PXK: variants seen among roughly 807,000 people sequenced by gnomAD.
PXK encodes the protein PX domain-containing protein kinase-like protein.
In PXK, 35 loss-of-function variants were observed where a neutral mutation model predicts 84.7. That is an observed-to-expected ratio of 0.41 (90% CI 0.32 to 0.55). The LOEUF (loss-of-function observed/expected upper bound fraction) is 0.55, where lower values mean the gene tolerates loss of function less well. Among genes scored for constraint, PXK ranks in the 20% least tolerant of loss-of-function variants. The pLI is 0.21. For synonymous variants in PXK, 253 were observed against 260.8 expected, an observed-to-expected ratio of 0.97 and a Z score of 0.29; for missense variants, 634 against 699.7, an observed-to-expected ratio of 0.91 and a Z score of 1.06.
At chr3:58,346,847 T>A (rs1234657288) in intron 1 of PXK, among the ~76,000 whole-genome samples, 1 of 81,262 alleles carries the variant, frequency 1.2e-5, no homozygotes, top group African/African-American at 4.8e-5. Context: ...TTTGGGAGGG[T>A]GGGGTGGGGG....
In PXK at chr3:58,386,290, C is replaced by CTTTTTTT. The variant is rs752411806; in HGVS notation, c.388+3607_388+3613dup. Among the ~76,000 whole-genome samples, 169 of 82,254 alleles carry CTTTTTTT rather than the reference C, an allele frequency of 2.1e-3. 11 individuals are homozygous for CTTTTTTT. Among genetic ancestry groups the CTTTTTTT allele is most frequent in the South Asian group, 3.6e-3 (7 of 1,934 alleles). 54.0% of individuals were successfully genotyped at this position (82,254 alleles called of 152,430 possible). A position where few individuals can be genotyped will look rare whatever the true frequency, so the allele number is the denominator to read the frequency against. ...CTATCTCACACATATATCCCCCTTA[C>CTTTTTTT]TTTTTTTTTTTTTTTTTTTTTTTGA... On this transcript the variant is annotated intron_variant, in intron 4 of 17. Coordinates refer to ENST00000356151, the MANE Select transcript of PXK (RefSeq NM_017771.5).
At position 58,400,148 on chromosome 3, in the gene PXK, C is replaced by T. The variant is rs2058339067; in HGVS notation, c.1181+771C>T. The stretch of plus-strand genomic sequence containing the variant: ...ACCTCTGGAAGTAGAGTTTTGTGAA[C>T]TGTGAAATGGGAATGATAATAAGTT... On this transcript the variant is annotated intron_variant, in intron 12 of 17. Transcript: ENST00000356151. This position sits in a 1 kb window ranked among gnomAD's most constrained non-coding sequence, Gnocchi z 4.0. Among the ~76,000 whole-genome samples the T allele has an allele frequency of 6.6e-6, 1 of 152,008 alleles. No individual in the cohort carries two copies. Among genetic ancestry groups the T allele is most frequent in the Non-Finnish European group, 1.5e-5 (1 of 68,012 alleles).
intron 1 of PXK, among the ~76,000 whole-genome samples, chr3:58,340,022 T>A (rs959458706): frequency 2.0e-5 from 3 of 151,988 alleles, no homozygotes; most frequent in Non-Finnish European, 2.9e-5. Flanking sequence ...TTCACCATGT[T>A]GGCCCGGCTG....
At chr3:58,336,183 T>G (rs2107638472) in intron 1 of PXK, among the ~76,000 whole-genome samples, 1 of 150,950 alleles carries the variant, frequency 6.6e-6, no homozygotes, top group Non-Finnish European at 1.5e-5. Flanking sequence ...AGTGCTGGGA[T>G]TATAGGTGTG....
rs1576878669 is a variant in PXK at position 58,421,373 on chromosome 3, G to C, written c.1529-3379G>C. Reference sequence around the variant, plus strand: ...GAGGCGGGCGGATCACAAGGATCAGGAGTTCAAGACCAACCTGGCCAACAT... The same window carrying C: ...GAGGCGGGCGGATCACAAGGATCAGCAGTTCAAGACCAACCTGGCCAACAT... On this transcript the variant is annotated intron_variant, in intron 17 of 17. Coordinates refer to ENST00000356151, the MANE Select transcript of PXK (RefSeq NM_017771.5). This position sits in a 1 kb window ranked among gnomAD's most constrained non-coding sequence, Gnocchi z 5.5. 1 of 779,362 alleles carries C rather than the reference G, an allele frequency of 1.3e-6. No individual in the cohort carries two copies. Among genetic ancestry groups the C allele is most frequent in the Non-Finnish European group, 1.5e-6 (1 of 666,924 alleles). 48.3% of individuals were successfully genotyped at this position (779,362 alleles called of 1,614,324 possible).
In PXK at chr3:58,409,437, C is replaced by A; in HGVS notation, c.1309-95C>A. 1 of 1,132,844 alleles carries A rather than the reference C, an allele frequency of 8.8e-7. No individual in the cohort carries two copies. Among genetic ancestry groups the A allele is most frequent in the Non-Finnish European group, 1.3e-6 (1 of 768,330 alleles). 70.2% of individuals were successfully genotyped at this position (1,132,844 alleles called of 1,614,324 possible). On this transcript the variant is annotated intron_variant, in intron 14 of 17. Coordinates refer to ENST00000356151, the MANE Select transcript of PXK (RefSeq NM_017771.5). This position sits in a 1 kb window ranked among gnomAD's most constrained non-coding sequence, Gnocchi z 4.2. ...GAGCAAGGAAAGATTTTCTTTTATCCCAATAAAATGTGGTTTGCCAAAACA... is the reference window on the plus strand; with the variant it reads ...GAGCAAGGAAAGATTTTCTTTTATCACAATAAAATGTGGTTTGCCAAAACA...
In PXK at chr3:58,337,062, G is replaced by A. The variant is rs145175679; in HGVS notation, c.102+3972G>A. On this transcript the variant is annotated intron_variant, in intron 1 of 17. Transcript: ENST00000356151. ...TGACCTCAGGTGATCCACCTGCCTCGGGCTCCTAAGGCGCAGGGATTACAG... is the reference window on the plus strand; with the variant it reads ...TGACCTCAGGTGATCCACCTGCCTCAGGCTCCTAAGGCGCAGGGATTACAG... Among the ~76,000 whole-genome samples the A allele has an allele frequency of 3.2e-3, 489 of 151,922 alleles. 2 individuals carry two copies. Among genetic ancestry groups the A allele is most frequent in the African/African-American group, 0.011 (466 of 41,390 alleles).
Position 58,383,184 on chromosome 3 carries a change from C to T in PXK, c.388+484C>T, listed in dbSNP as rs553701397. On this transcript the variant is annotated intron_variant, in intron 4 of 17. Transcript: ENST00000356151. The surrounding 1 kb of genome is among the most constrained non-coding windows in gnomAD (Gnocchi z 4.0). ...GCACATGCCTGTAATCCTAGCTACT[C>T]GGGAGGCTGAGGCAGGAGAATCGCT... Among the ~76,000 whole-genome samples the T allele has an allele frequency of 9.2e-5, 14 of 152,158 alleles. 1 individual carries two copies. In the South Asian group the frequency reaches 2.5e-3, roughly 27 times the overall value.
Position 58,398,656 on chromosome 3 carries a change from C to A in PXK, c.1103-643C>A, listed in dbSNP as rs180846294. Among the ~76,000 whole-genome samples, 12 of 152,288 alleles carry A rather than the reference C, an allele frequency of 7.9e-5. No homozygotes were observed. In the East Asian group the frequency reaches 1.5e-3, roughly 20 times the overall value. Reference sequence around the variant, plus strand: ...CCCTTTCATCCCCTCCACAGCCAGGCTGGCACCCACAGCTGGAGCAGAGAG... The same window carrying A: ...CCCTTTCATCCCCTCCACAGCCAGGATGGCACCCACAGCTGGAGCAGAGAG... On this transcript the variant is annotated intron_variant, in intron 11 of 17. Transcript: ENST00000356151. The surrounding 1 kb of genome is among the most constrained non-coding windows in gnomAD (Gnocchi z 4.5).
At chr3:58,419,118 G>A (rs748800140) in intron 17 of PXK, among the ~76,000 whole-genome samples, 1 of 152,202 alleles carries the variant, frequency 6.6e-6, no homozygotes, top group Non-Finnish European at 1.5e-5. Flanking sequence ...TAGGCTGAGT[G>A]GGGAAACCCA....
In PXK at chr3:58,411,856, A is replaced by G. The variant is rs146347027; in HGVS notation, c.1466-1045A>G. 4.3e-4 allele frequency among the ~76,000 whole-genome samples: 65 copies of G among 152,280 alleles called. 1 individual carries two copies. Among genetic ancestry groups the G allele is most frequent in the African/African-American group, 1.5e-3 (64 of 41,568 alleles). On this transcript the variant is annotated intron_variant, in intron 16 of 17. Coordinates refer to ENST00000356151, the MANE Select transcript of PXK (RefSeq NM_017771.5). This position sits in a 1 kb window ranked among gnomAD's most constrained non-coding sequence, Gnocchi z 4.2. The stretch of plus-strand genomic sequence containing the variant: ...ATTGAGTTTTACCTCCTTTTTCAGT[A>G]AAACACCCTCATATTTTATAGGGAA...
rs1220854781 is a variant in PXK at position 58,409,495 on chromosome 3, T to C, written c.1309-37T>C. ...GAAGATTTTCATTAGGAAGCTGCCT[T>C]ATGTGGGATATGCTTACATCTTATG... On this transcript the variant is annotated intron_variant, in intron 14 of 17. Coordinates refer to ENST00000356151, the MANE Select transcript of PXK (RefSeq NM_017771.5). The surrounding 1 kb of genome is among the most constrained non-coding windows in gnomAD (Gnocchi z 4.2). 29 of 1,560,358 alleles carry C rather than the reference T, an allele frequency of 1.9e-5. No homozygotes were observed. Among genetic ancestry groups the C allele is most frequent in the Admixed American group, 5.3e-5 (3 of 56,480 alleles).
intron 12 of PXK, among the ~76,000 whole-genome samples, chr3:58,403,144 A>G (rs1381790449): frequency 6.6e-6 from 1 of 151,910 alleles, no homozygotes; most frequent in East Asian, 1.9e-4. Context: ...AGCTGGGACA[A>G]TAGGCACGCA....
Position 58,333,002 on chromosome 3 carries a change from A to C in PXK, c.14A>C (p.Glu5Ala). 7.3e-7 allele frequency: 1 copy of C among 1,367,414 alleles called. No individual in the cohort carries two copies. 84.7% of individuals were successfully genotyped at this position (1,367,414 alleles called of 1,614,324 possible). ...GGGCGTCCCGGGATGGCCTTCATGG[A>C]GAAGCCGCCAGCCGGCAAGGTGCTG... MAFMEKPPAGKVLLD... is the reference protein window; with the variant it reads MAFMAKPPAGKVLLD... Residue 5 changes from glutamate to alanine, a missense_variant, in exon 1 of 18, where the codon GAG becomes GCG. Physicochemically the swap from Glu to Ala is moderately radical, Grantham distance 107. Coordinates refer to ENST00000356151, the MANE Select transcript of PXK (RefSeq NM_017771.5). This position sits in a 1 kb window ranked among gnomAD's most constrained non-coding sequence, Gnocchi z 5.4.
At chr3:58,408,879 C>T in intron 13 of PXK, 45 bp from the exon 14 acceptor site, 1 of 1,428,706 alleles carries the variant, frequency 7.0e-7, no homozygotes, top group South Asian at 1.2e-5. Flanking sequence ...GGAAGTATCT[C>T]CAGCCACCTT....
At chr3:58,345,233 A>G (rs2097794700) in intron 1 of PXK, among the ~76,000 whole-genome samples, 1 of 152,162 alleles carries the variant, frequency 6.6e-6, no homozygotes, top group South Asian at 2.1e-4. Context: ...CGGAGTGGTT[A>G]ACAGAGGAGC....
intron 1 of PXK, among the ~76,000 whole-genome samples, chr3:58,349,022 G>T (rs530802501): frequency 3.3e-5 from 5 of 152,230 alleles, no homozygotes; most frequent in African/African-American, 1.2e-4. Context: ...CCACATATCA[G>T]ATGCTCAGTA....
At position 58,408,963 on chromosome 3, in the gene PXK, G is replaced by A. The variant is rs1477153239; in HGVS notation, c.1270G>A (p.Glu424Lys). Residue 424 changes from glutamate to lysine, a missense_variant, in exon 14 of 18, where the codon GAA becomes AAA. Coordinates refer to ENST00000356151, the MANE Select transcript of PXK (RefSeq NM_017771.5). ...AAAAGAGGCATTGAGAATTGCCAAA[G>A]AATGTATAGAGAAGAGACTAATTGA... ...KLKEALRIAK[E>K]CIEKRLIEEQ... The A allele has an allele frequency of 6.3e-7, 1 of 1,592,518 alleles. No homozygotes were observed. The highest frequency in any genetic ancestry group is 1.7e-5 in the Admixed American group (1 of 59,904).
At chr3:58,405,733 A>C (rs2059298396) in intron 13 of PXK, among the ~76,000 whole-genome samples, 1 of 151,312 alleles carries the variant, frequency 6.6e-6, no homozygotes, top group African/African-American at 2.4e-5. Context: ...AGCTGAGATC[A>C]TGCCGGTACA....
Sources: allele counts gnomAD v4.1 joint callset (sites outside exome capture counted in the v4.1 genomes callset), GRCh38; gene constraint gnomAD v4.1.1; non-coding constraint Gnocchi (gnomAD v3.1); transcripts MANE v1.5; gene names NCBI Gene and HGNC (gene_info 2026-07-23, HGNC 2026-07-21).